Variants in NCOR2 observed in about 807,000 individuals in gnomAD.
NCOR2 encodes the protein CTG repeat protein 26.
Under a neutral mutation model 262.9 loss-of-function variants are expected in NCOR2, and 81 were observed. The ratio of observed to expected loss-of-function variants is 0.31; its 90% CI spans 0.26 to 0.37. The LOEUF is 0.37. Among genes scored for constraint, NCOR2 ranks in the 10% least tolerant of loss-of-function variants. The probability of loss-of-function intolerance (pLI) is 1.00; values close to 1 mark genes in which losing one functional copy is unlikely to be tolerated. For synonymous variants in NCOR2, 1,659 were observed against 1,559.3 expected, an observed-to-expected ratio of 1.06 and a Z score of -1.51; for missense variants, 3,385 against 3,621.4, an observed-to-expected ratio of 0.93 and a Z score of 1.68.
intron 19 of NCOR2, among the ~76,000 whole-genome samples, chr12:124,373,084 T>C (rs1345279653): frequency 6.6e-6 from 1 of 152,238 alleles, no homozygotes. Flanking sequence ...AGTTCCCATC[T>C]CACAGGGCGG....
chr12:124,351,564 T>C (rs58700298), intron 27 of NCOR2, among the ~76,000 whole-genome samples: 49,175 of 151,912 alleles, frequency 0.32, 8,310 homozygotes, highest in East Asian at 0.46. Flanking sequence ...GGAATGAGCT[T>C]CCCGTTGGAG....
intron 27 of NCOR2, 44 bp downstream of exon 29, chr12:124,354,049 T>C (rs766068874): frequency 5.1e-6 from 8 of 1,553,584 alleles, no homozygotes; most frequent in Non-Finnish European, 7.0e-6. Flanking sequence ...GCTGGCCCCG[T>C]GCTGGTCCCA....
At chr12:124,544,957 T>C (rs1478226500) in intron 1 of NCOR2, among the ~76,000 whole-genome samples, 1 of 152,138 alleles carries the variant, frequency 6.6e-6, no homozygotes, top group Non-Finnish European at 1.5e-5. Context: ...GCCCTAGTGC[T>C]GTCATTTTTT....
intron 7 of NCOR2, among the ~76,000 whole-genome samples, chr12:124,439,302 G>A (rs2044657627): frequency 4.5e-5 from 3 of 67,136 alleles, no homozygotes; most frequent in Middle Eastern, 7.1e-3. Flanking sequence ...CCCAGAGAGA[G>A]AGAGACAGAG....
At chr12:124,441,181 C>T (rs1261553613) in intron 7 of NCOR2, among the ~76,000 whole-genome samples, 1 of 152,148 alleles carries the variant, frequency 6.6e-6, no homozygotes, top group African/African-American at 2.4e-5. Flanking sequence ...ACCGCGCTGC[C>T]CGGGCCATGG....
intron 1 of NCOR2, among the ~76,000 whole-genome samples, chr12:124,492,892 T>A (rs1203896212): frequency 6.6e-6 from 1 of 152,058 alleles, no homozygotes; most frequent in African/African-American, 2.4e-5. Context: ...ACAAGCAGGA[T>A]TCTCTGGATG....
At chr12:124,376,254 A>T (rs1000289364) in intron 18 of NCOR2, among the ~76,000 whole-genome samples, 2 of 152,104 alleles carry the variant, frequency 1.3e-5, no homozygotes, top group Non-Finnish European at 2.9e-5. Flanking sequence ...CACCCAGCAG[A>T]GCATGCCCCT....
At chr12:124,358,882 G>A (rs1021124810) in intron 22 of NCOR2, among the ~76,000 whole-genome samples, 5 of 152,210 alleles carry the variant, frequency 3.3e-5, no homozygotes, top group Non-Finnish European at 5.9e-5. Flanking sequence ...CTGACTGACT[G>A]TCCCCATTTC....
At chr12:124,456,789 G>A (rs1318349696) in intron 6 of NCOR2, among the ~76,000 whole-genome samples, 3 of 152,192 alleles carry the variant, frequency 2.0e-5, no homozygotes, top group Non-Finnish European at 4.4e-5. Context: ...TGGAGCAAGC[G>A]CACCGGCCTA....
At chr12:124,509,124 C>G (rs904887727) in intron 1 of NCOR2, among the ~76,000 whole-genome samples, 1 of 151,888 alleles carries the variant, frequency 6.6e-6, no homozygotes, top group Non-Finnish European at 1.5e-5. Context: ...CGGCCCCACT[C>G]CGTGCATGCC....
At chr12:124,512,100 C>T (rs144298013) in intron 1 of NCOR2, among the ~76,000 whole-genome samples, 1,673 of 152,240 alleles carry the variant, frequency 0.011, 24 homozygotes, top group African/African-American at 0.033. Context: ...TTTGTAGAGA[C>T]AGGGTCTCGC....
chr12:124,331,915 G>A (rs185864457), intron 43 of NCOR2: 48 of 184,990 alleles, frequency 2.6e-4, no homozygotes, highest in Admixed American at 8.6e-4. Context: ...ACTGCCAGGC[G>A]CTGTGCTAGG....
rs535727410 is a variant in NCOR2 at position 124,521,001 on chromosome 12, C to A, written c.-118+14564G>T. 5.9e-5 allele frequency among the ~76,000 whole-genome samples: 9 copies of A among 152,274 alleles called. No homozygotes were observed. In the East Asian group the frequency reaches 1.7e-3, roughly 29 times the overall value. ...TAAGCTGAGTGGCCCCAGGCAAGGC[C>A]CCCAGCCTCTCGAGGCATCAGAAGG... On this transcript the variant is annotated intron_variant, in intron 1 of 46. Transcript: ENST00000404621.
chr12:124,455,473 A>C lies in NCOR2; in HGVS notation c.762+1633T>G, dbSNP rs559974447. ...GGTGGGCAGCTGGGCCCTGCTTCTG[A>C]GCTGGAGGAGCCCTTGCCATCTCCT... is the stretch of plus-strand genomic sequence containing the variant. On this transcript the variant is annotated intron_variant, in intron 6 of 46. Transcript: ENST00000405201. 3.8e-3 allele frequency among the ~76,000 whole-genome samples: 582 copies of C among 152,274 alleles called. 2 individuals carry two copies. The highest frequency in any genetic ancestry group is 0.014 in the Middle Eastern group (4 of 294).
At chr12:124,567,141 G>A (rs1423918022) in intron 1 of NCOR2, among the ~76,000 whole-genome samples, 167 bp downstream of exon 1, 1 of 151,870 alleles carries the variant, frequency 6.6e-6, no homozygotes, top group Non-Finnish European at 1.5e-5. Context: ...CCGCAGTGTC[G>A]GCGGGGCGCC....
intron 1 of NCOR2, among the ~76,000 whole-genome samples, chr12:124,563,472 G>A (rs2052135565): frequency 6.6e-6 from 1 of 152,206 alleles, no homozygotes; most frequent in Admixed American, 6.5e-5. Context: ...GCCTGGACCT[G>A]TGCCCTCATC....
At chr12:124,355,264 G>T in intron 24 of NCOR2, 168 bp downstream of exon 26, 1 of 765,672 alleles carries the variant, frequency 1.3e-6, no homozygotes, top group Non-Finnish European at 2.1e-6. Context: ...CAGGGACGAG[G>T]CCCTGAGTGC....
chr12:124,384,657 C>T (rs1005162384), intron 17 of NCOR2, among the ~76,000 whole-genome samples: 9 of 152,206 alleles, frequency 5.9e-5, no homozygotes, highest in Non-Finnish European at 1.3e-4. Context: ...ATACCTGGTC[C>T]TCCCACTGCA....
At chr12:124,515,159 G>A (rs1482865066) in intron 1 of NCOR2, among the ~76,000 whole-genome samples, 3 of 152,146 alleles carry the variant, frequency 2.0e-5, no homozygotes, top group Non-Finnish European at 1.5e-5. Context: ...GGATGTCCAA[G>A]GGACCAAGCT....
Sources: allele counts gnomAD v4.1 joint callset (sites outside exome capture counted in the v4.1 genomes callset), GRCh38; gene constraint gnomAD v4.1.1; transcripts MANE v1.5; gene names NCBI Gene and HGNC (gene_info 2026-07-23, HGNC 2026-07-21).